The following PHF20 variants were observed in gnomAD, a reference collection of about 807,000 sequenced individuals.
PHF20 encodes PHD finger protein 20.
A neutral mutation model predicts 113.5 loss-of-function variants in PHF20; 23 were observed. The ratio of observed to expected loss-of-function variants is 0.20; its 90% CI spans 0.15 to 0.29. The LOEUF (loss-of-function observed/expected upper bound fraction) is 0.29. Ranked by LOEUF, PHF20 falls within the 10% of genes least tolerant of loss-of-function variation. The probability of loss-of-function intolerance (pLI) is 1.00; values close to 1 mark genes in which losing one functional copy is unlikely to be tolerated. For missense variants in PHF20, 943 were observed against 1,219.6 expected (o/e 0.77, Z 3.38); for synonymous variants, 434 against 457.3 (o/e 0.95, Z 0.65).
chr20:35,928,597 A>C (rs1194775665), intron 14 of PHF20: 1 of 152,208 alleles, frequency 6.6e-6, no homozygotes, highest in East Asian at 1.9e-4. Context: ...CACAAGTTTG[A>C]GTGTCATCCT....
At chr20:35,912,436 G>A (rs1359879819) in intron 10 of PHF20, among the ~76,000 whole-genome samples, 1 of 152,174 alleles carries the variant, frequency 6.6e-6, no homozygotes, top group East Asian at 1.9e-4. Flanking sequence ...GTAGAGTAGA[G>A]AGGATAAAGT....
At chr20:35,850,982 CAG>C (rs2042720146) in intron 4 of PHF20, 3 of 436,294 alleles carry the variant, frequency 6.9e-6, no homozygotes, top group East Asian at 1.1e-4. Flanking sequence ...GTAGGAGAGA[CAG>C]AGTTTCACTG....
intron 2 of PHF20, among the ~76,000 whole-genome samples, chr20:35,811,975 G>A (rs188031190): frequency 0.013 from 1,885 of 149,754 alleles, 18 homozygotes; most frequent in African/African-American, 0.03. Context: ...GGGTTTCACC[G>A]TGTTAGCCAG....
chr20:35,850,155 G>T lies in PHF20; in HGVS notation c.340+2721G>T, dbSNP rs79456339. On this transcript the variant is annotated intron_variant, in intron 4 of 17. Transcript: ENST00000374012. ...TTTAGTACGAAGGCAGCGGCAGTTG[G>T]TAGCCTTGTTAGACCCTCAGTCTGT... Among the ~76,000 whole-genome samples, 226 of 152,230 alleles carry T rather than the reference G, an allele frequency of 1.5e-3. 1 individual carries two copies. Among genetic ancestry groups the T allele is most frequent in the African/African-American group, 5.3e-3 (219 of 41,548 alleles).
chr20:35,835,823 G>A (rs1037473234), intron 2 of PHF20, among the ~76,000 whole-genome samples: 15 of 151,954 alleles, frequency 9.9e-5, no homozygotes, highest in Non-Finnish European at 1.8e-4. Context: ...CCAGCTACTG[G>A]GGAGGCTGAG....
In PHF20 at chr20:35,864,758, G is replaced by A. The variant is rs6060645; in HGVS notation, c.808+1358G>A. Among the ~76,000 whole-genome samples the A allele has an allele frequency of 1.7e-3, 266 of 152,224 alleles. 3 individuals carry two copies. Among genetic ancestry groups the A allele is most frequent in the African/African-American group, 6.1e-3 (252 of 41,534 alleles). ...AGGCCTAAATAGGGCCTAGACCTCT[G>A]CTGTCTAGTATGGTAGCCACTAGCT... On this transcript the variant is annotated intron_variant, in intron 6 of 17. Coordinates refer to ENST00000374012, the MANE Select transcript of PHF20 (RefSeq NM_016436.5).
chr20:35,932,293 T>C (rs911284660), intron 15 of PHF20, among the ~76,000 whole-genome samples: 1 of 151,732 alleles, frequency 6.6e-6, no homozygotes, highest in Non-Finnish European at 1.5e-5. Flanking sequence ...GGTCTTGAAC[T>C]CCTGACCTCA....
At chr20:35,944,072 G>T (rs1182689761) in intron 17 of PHF20, among the ~76,000 whole-genome samples, 1 of 152,190 alleles carries the variant, frequency 6.6e-6, no homozygotes, top group African/African-American at 2.4e-5. Flanking sequence ...TATTTGAACA[G>T]AATTTTTTCC....
At chr20:35,806,162 ATTTTTT>A (rs1299032685) in intron 2 of PHF20, among the ~76,000 whole-genome samples, 1 of 123,698 alleles carries the variant, frequency 8.1e-6, no homozygotes, top group Admixed American at 8.1e-5. Flanking sequence ...CATGCCTGGC[ATTTTTT>A]TTTTTTTTTT....
At chr20:35,773,004 C>T (rs1412111545) in intron 1 of PHF20, among the ~76,000 whole-genome samples, 3 of 152,182 alleles carry the variant, frequency 2.0e-5, no homozygotes, top group Non-Finnish European at 1.5e-5. Flanking sequence ...TCCAGTTTCA[C>T]AAATAAGGGA....
At chr20:35,881,418 G>A (rs2054630762) in intron 9 of PHF20, among the ~76,000 whole-genome samples, 3 of 151,692 alleles carry the variant, frequency 2.0e-5, no homozygotes, top group Admixed American at 2.0e-4. Context: ...GTGTGCGCCT[G>A]TAATCCCAGC....
At chr20:35,865,441 T>G (rs78423396) in intron 6 of PHF20, among the ~76,000 whole-genome samples, 1 of 151,640 alleles carries the variant, frequency 6.6e-6, no homozygotes, top group African/African-American at 2.4e-5. Context: ...AAAAAAAAAT[T>G]TTTTTTAAAG....
chr20:35,942,967 G>T (rs1255479207), intron 17 of PHF20, among the ~76,000 whole-genome samples: 4 of 152,104 alleles, frequency 2.6e-5, no homozygotes, highest in Admixed American at 6.6e-5. Flanking sequence ...GGGACTACAG[G>T]TGCCCGCCAC....
chr20:35,923,880 T>TCTC (rs1327096984), intron 13 of PHF20, among the ~76,000 whole-genome samples: 1 of 152,114 alleles, frequency 6.6e-6, no homozygotes, highest in Non-Finnish European at 1.5e-5. Context: ...GCCTTCTAAG[T>TCTC]AGCTGAGACT....
chr20:35,892,040 T>G (rs899786453), intron 9 of PHF20, among the ~76,000 whole-genome samples: 1 of 148,388 alleles, frequency 6.7e-6, no homozygotes, highest in African/African-American at 2.6e-5. Context: ...CAGCTAATTT[T>G]TTTTGTTTTT....
chr20:35,914,454 G>T (rs1425234432), intron 12 of PHF20, among the ~76,000 whole-genome samples: 1 of 152,258 alleles, frequency 6.6e-6, no homozygotes, highest in East Asian at 1.9e-4. Context: ...GAAATGTCAA[G>T]TTTTTTGGAG....
intron 10 of PHF20, among the ~76,000 whole-genome samples, chr20:35,908,424 C>T (rs941264573): frequency 6.6e-6 from 1 of 152,192 alleles, no homozygotes; most frequent in Non-Finnish European, 1.5e-5. Context: ...TACATCTTGC[C>T]CTCTCTGTCT....
chr20:35,931,365 G>A lies in PHF20; in HGVS notation c.2221G>A (p.Ala741Thr). The change falls in exon 15 of 18, where the codon GCC becomes ACC. Residue 741 changes from alanine to threonine, a missense_variant. Transcript: ENST00000374012. The part of the protein sequence containing the change: ...YSHQNAKKIV[A>T]THQLLGDVQR... The stretch of plus-strand genomic sequence containing the variant: ...CCATCAGAATGCCAAGAAGATCGTG[G>A]CCACCCACCAGCTTCTTGGTGATGT... 6.2e-7 allele frequency: 1 copy of A among 1,614,024 alleles called. No individual in the cohort carries two copies. The highest frequency in any genetic ancestry group is 8.5e-7 in the Non-Finnish European group (1 of 1,180,028).
At chr20:35,853,391 G>A (rs1490947716) in intron 4 of PHF20, 1 of 152,082 alleles carries the variant, frequency 6.6e-6, no homozygotes, top group East Asian at 1.9e-4. Flanking sequence ...AAAACCCTCC[G>A]TTTTCCATCT....
Sources: allele counts gnomAD v4.1 joint callset (sites outside exome capture counted in the v4.1 genomes callset), GRCh38; gene constraint gnomAD v4.1.1; transcripts MANE v1.5; gene names NCBI Gene and HGNC (gene_info 2026-07-23, HGNC 2026-07-21).